NAALADL2: variants seen among roughly 807,000 people sequenced by gnomAD.
NAALADL2 encodes N-acetylated alpha-linked acidic dipeptidase like 2.
A neutral mutation model predicts 87.2 loss-of-function variants in NAALADL2; 76 were observed. That is an observed-to-expected ratio of 0.87 (90% CI 0.72 to 1.05). The LOEUF is 1.05. NAALADL2 is among the 50% of genes least tolerant of loss of function. The pLI is 0.00. For missense variants in NAALADL2, 1,089 were observed against 945.8 expected, an observed-to-expected ratio of 1.15 and a Z score of -1.99; for synonymous variants, 354 against 331.0, an observed-to-expected ratio of 1.07 and a Z score of -0.75.
At chr3:175,763,532 C>T (rs1416633524) in intron 13 of NAALADL2, among the ~76,000 whole-genome samples, 2 of 151,518 alleles carry the variant, frequency 1.3e-5, no homozygotes, top group Non-Finnish European at 2.9e-5. Flanking sequence ...AATTATTGTC[C>T]TCTCTTTTAT....
intron 9 of NAALADL2, among the ~76,000 whole-genome samples, chr3:175,560,826 T>C (rs1716150832): frequency 6.6e-6 from 1 of 152,188 alleles, no homozygotes; most frequent in African/African-American, 2.4e-5. Flanking sequence ...TTCACCATGT[T>C]GGCCAGGATG....
At chr3:175,347,761 G>A (rs1341321899) in intron 5 of NAALADL2, among the ~76,000 whole-genome samples, 1 of 152,100 alleles carries the variant, frequency 6.6e-6, no homozygotes, top group Non-Finnish European at 1.5e-5. Flanking sequence ...TATACTTTAA[G>A]TTCTGGGGTA....
intron 2 of NAALADL2, among the ~76,000 whole-genome samples, chr3:174,668,078 ATCT>A (rs1323825609): frequency 4.6e-5 from 7 of 152,062 alleles, no homozygotes; most frequent in African/African-American, 1.2e-4. Context: ...GTGAGGTGAT[ATCT>A]TCTTATGGTT....
At chr3:174,900,116 C>A (rs985269653) in intron 1 of NAALADL2, among the ~76,000 whole-genome samples, 2 of 151,876 alleles carry the variant, frequency 1.3e-5, no homozygotes, top group Non-Finnish European at 2.9e-5. Context: ...ACCAGTTCTA[C>A]GAGATATTAC....
intron 2 of NAALADL2, among the ~76,000 whole-genome samples, chr3:174,580,007 T>C (rs1715980023): frequency 6.6e-6 from 1 of 152,072 alleles, no homozygotes. Context: ...TTTTAAGTCA[T>C]CAAGTGAATA....
chr3:175,393,130 CGGG>C lies in NAALADL2; in HGVS notation c.1091-54098_1091-54096del, dbSNP rs560792784. On this transcript the variant is annotated intron_variant, in intron 5 of 13. Coordinates refer to ENST00000454872, the MANE Select transcript of NAALADL2 (RefSeq NM_207015.3). ...TCTACTAAAAATACAAAAAATTAGCCGGGCGCGGTGGCGGGCGCCTGTAGTCCC... is the reference window on the plus strand; with the variant it reads ...TCTACTAAAAATACAAAAAATTAGCCCGCGGTGGCGGGCGCCTGTAGTCCC... Among the ~76,000 whole-genome samples the C allele has an allele frequency of 6.9e-3, 1,033 of 150,526 alleles. 4 individuals carry two copies. The highest frequency in any genetic ancestry group is 9.6e-3 in the Non-Finnish European group (649 of 67,542).
intron 2 of NAALADL2, among the ~76,000 whole-genome samples, chr3:175,167,113 CTT>C (rs1734113857): frequency 6.6e-6 from 1 of 152,006 alleles, no homozygotes; most frequent in Non-Finnish European, 1.5e-5. Context: ...GGTCTGCAGA[CTT>C]TTTCTATAAA....
intron 2 of NAALADL2, among the ~76,000 whole-genome samples, chr3:175,164,103 A>G (rs996178990): frequency 1.3e-5 from 2 of 152,154 alleles, no homozygotes; most frequent in Non-Finnish European, 2.9e-5. Context: ...TTAAGAACTA[A>G]TAATAAGTTC....
At chr3:174,845,208 A>T (rs903357289) in intron 3 of NAALADL2, among the ~76,000 whole-genome samples, 6 of 152,202 alleles carry the variant, frequency 3.9e-5, no homozygotes, top group Non-Finnish European at 8.8e-5. Flanking sequence ...CTCTTCAGCA[A>T]GATGGACCAC....
At chr3:175,780,574 A>G (rs1199697724) in intron 13 of NAALADL2, among the ~76,000 whole-genome samples, 1 of 152,200 alleles carries the variant, frequency 6.6e-6, no homozygotes, top group African/African-American at 2.4e-5. Context: ...ATAAAACCAC[A>G]GGAGGGCAAA....
chr3:174,945,394 GTGATACTGCAT>G (rs1739260514), intron 1 of NAALADL2, among the ~76,000 whole-genome samples: 1 of 152,106 alleles, frequency 6.6e-6, no homozygotes, highest in Non-Finnish European at 1.5e-5. Context: ...CTGCTCTTCT[GTGATACTGCAT>G]TGCCTATTAT....
intron 1 of NAALADL2, among the ~76,000 whole-genome samples, chr3:174,506,230 G>C (rs988588141): frequency 1.3e-4 from 19 of 150,498 alleles, no homozygotes; most frequent in Admixed American, 7.3e-4. Flanking sequence ...TCCCAGGCTG[G>C]AGTGCAGTGG....
At chr3:175,423,998 G>T (rs1209057513) in intron 5 of NAALADL2, among the ~76,000 whole-genome samples, 1 of 152,168 alleles carries the variant, frequency 6.6e-6, no homozygotes, top group Non-Finnish European at 1.5e-5. Context: ...GTTTTGATTT[G>T]CATTTCTCTG....
chr3:174,829,541 G>T (rs369363127), intron 3 of NAALADL2, among the ~76,000 whole-genome samples: 1 of 137,210 alleles, frequency 7.3e-6, no homozygotes, highest in African/African-American at 2.8e-5. Flanking sequence ...TTGGTTCCAA[G>T]TCTTTGCTAT....
At chr3:174,463,544 A>G (rs1716336498) in intron 1 of NAALADL2, among the ~76,000 whole-genome samples, 1 of 151,966 alleles carries the variant, frequency 6.6e-6, no homozygotes, top group Non-Finnish European at 1.5e-5. Flanking sequence ...GCATATCTCA[A>G]GTTCTTTTGT....
At chr3:175,331,815 T>G (rs1761439197) in intron 5 of NAALADL2, among the ~76,000 whole-genome samples, 1 of 152,122 alleles carries the variant, frequency 6.6e-6, no homozygotes, top group Non-Finnish European at 1.5e-5. Flanking sequence ...AGTCAAATTG[T>G]CCCTCTATGC....
intron 1 of NAALADL2, among the ~76,000 whole-genome samples, chr3:174,943,096 A>G (rs1738859608): frequency 6.6e-6 from 1 of 152,206 alleles, no homozygotes; most frequent in Non-Finnish European, 1.5e-5. Context: ...CAGTTGGAAG[A>G]CATAGGACAC....
intron 11 of NAALADL2, among the ~76,000 whole-genome samples, chr3:175,655,859 TC>T: frequency 6.6e-6 from 1 of 152,256 alleles, no homozygotes; most frequent in African/African-American, 2.4e-5. Flanking sequence ...TACACTTGGT[TC>T]CCTGTGGAAG....
chr3:175,487,021 C>T (rs1246389801), intron 9 of NAALADL2, among the ~76,000 whole-genome samples: 2 of 152,134 alleles, frequency 1.3e-5, no homozygotes, highest in Non-Finnish European at 2.9e-5. Context: ...AGCCAGTTAT[C>T]CTTGAAGACT....
Sources: allele counts gnomAD v4.1 joint callset (sites outside exome capture counted in the v4.1 genomes callset), GRCh38; gene constraint gnomAD v4.1.1; transcripts MANE v1.5; gene names NCBI Gene and HGNC (gene_info 2026-07-23, HGNC 2026-07-21).